The following LOC128462377 variants were observed in gnomAD, a reference collection of about 807,000 sequenced individuals.
At chr16:89,346,445 C>T in the LOC128462377 span, among the ~76,000 whole-genome samples, 2 of 152,070 alleles carry the variant, frequency 1.3e-5, no homozygotes, top group Non-Finnish European at 2.9e-5. Context: ...TAGAAAATAA[C>T]ACAATAATCA....
chr16:89,347,910 C>CACTTT, the LOC128462377 span, among the ~76,000 whole-genome samples: 4 of 151,884 alleles, frequency 2.6e-5, no homozygotes, highest in Non-Finnish European at 5.9e-5. Context: ...CTTTGCAGAG[C>CACTTT]ACTTTCCTCA....
the LOC128462377 span, among the ~76,000 whole-genome samples, chr16:89,349,945 G>C: frequency 6.6e-6 from 1 of 150,780 alleles, no homozygotes. Context: ...TAAAGGACCT[G>C]TGTCTAGAAT....
the LOC128462377 span, among the ~76,000 whole-genome samples, chr16:89,322,805 C>T: frequency 6.6e-6 from 1 of 152,266 alleles, no homozygotes; most frequent in South Asian, 2.1e-4. Flanking sequence ...CTGCAGCACA[C>T]GGCCATGCTC....
chr16:89,381,281 G>A, the LOC128462377 span, among the ~76,000 whole-genome samples: 2 of 144,044 alleles, frequency 1.4e-5, no homozygotes, highest in Admixed American at 7.2e-5. Context: ...GCAGTGAGGC[G>A]ACAATGCGCC....
the LOC128462377 span, among the ~76,000 whole-genome samples, chr16:89,381,330 G>GAAAAAAAAAAAAAA: frequency 2.0e-5 from 1 of 49,582 alleles, no homozygotes; most frequent in African/African-American, 8.6e-5. Flanking sequence ...AGACTCTGCT[G>GAAAAAAAAAAAAAA]CAAAAAAAAA....
the LOC128462377 span, among the ~76,000 whole-genome samples, chr16:89,342,302 G>A: frequency 6.6e-5 from 10 of 152,380 alleles, no homozygotes; most frequent in South Asian, 2.1e-3. Context: ...CCCAGGCTCA[G>A]ACCTCAGAAC....
the LOC128462377 span, among the ~76,000 whole-genome samples, chr16:89,329,875 G>A: frequency 6.6e-6 from 1 of 152,050 alleles, no homozygotes; most frequent in Non-Finnish European, 1.5e-5. Context: ...GCATGGTGGT[G>A]CGTGCCTGTA....
chr16:89,368,360 C>A, the LOC128462377 span, among the ~76,000 whole-genome samples: 1 of 135,446 alleles, frequency 7.4e-6, no homozygotes, highest in African/African-American at 2.7e-5. Flanking sequence ...CCGTGCCTGG[C>A]TAATTTTTGT....
the LOC128462377 span, among the ~76,000 whole-genome samples, chr16:89,379,216 C>T: frequency 2.0e-5 from 3 of 152,362 alleles, no homozygotes; most frequent in African/African-American, 7.2e-5. Context: ...AAGGGGTGCA[C>T]ACCGTCTGTA....
chr16:89,383,093 T>C, the LOC128462377 span, among the ~76,000 whole-genome samples: 1 of 152,184 alleles, frequency 6.6e-6, no homozygotes, highest in African/African-American at 2.4e-5. Context: ...CACACCACTG[T>C]AATATAGGTT....
the LOC128462377 span, among the ~76,000 whole-genome samples, chr16:89,410,471 C>T: frequency 6.6e-6 from 1 of 152,220 alleles, no homozygotes; most frequent in Admixed American, 6.5e-5. Context: ...GACTAAGACA[C>T]CCTGCAGAGC....
chr16:89,346,715 TG>T, the LOC128462377 span, among the ~76,000 whole-genome samples: 1 of 152,172 alleles, frequency 6.6e-6, no homozygotes, highest in Non-Finnish European at 1.5e-5. Context: ...TACAGCAAGG[TG>T]GGAGATCCAG....
At chr16:89,384,653 T>A in the LOC128462377 span, among the ~76,000 whole-genome samples, 3 of 152,066 alleles carry the variant, frequency 2.0e-5, no homozygotes, top group Non-Finnish European at 4.4e-5. Flanking sequence ...ACTGACGGCT[T>A]CAAAGGAGCT....
chr16:89,405,544 G>A, the LOC128462377 span, among the ~76,000 whole-genome samples: 2 of 149,932 alleles, frequency 1.3e-5, no homozygotes, highest in Non-Finnish European at 3.0e-5. Context: ...ATGTTGTCCG[G>A]GCTGGTCTCG....
chr16:89,407,111 G>A, the LOC128462377 span, among the ~76,000 whole-genome samples: 139 of 152,090 alleles, frequency 9.1e-4, 1 homozygote, highest in African/African-American at 2.6e-3. Flanking sequence ...CCAGGTACTC[G>A]GGAGGCGGAG....
the LOC128462377 span, chr16:89,324,116 C>T: frequency 3.1e-6 from 2 of 643,074 alleles, no homozygotes; most frequent in Non-Finnish European, 4.3e-6. Context: ...TCCCAAAGTG[C>T]CCCACGGCAC....
chr16:89,345,848 A>C, the LOC128462377 span, among the ~76,000 whole-genome samples: 3 of 152,154 alleles, frequency 2.0e-5, no homozygotes, highest in African/African-American at 7.2e-5. Context: ...GCATTCCAGG[A>C]GGTAAGGTGA....
chr16:89,323,121 C>A, the LOC128462377 span: 5 of 335,254 alleles, frequency 1.5e-5, no homozygotes, highest in African/African-American at 1.1e-4. Context: ...GGCTGTTGTG[C>A]GCTCCGTGGA....
the LOC128462377 span, among the ~76,000 whole-genome samples, chr16:89,351,537 T>C: frequency 1.2e-4 from 18 of 152,140 alleles, no homozygotes; most frequent in Non-Finnish European, 2.2e-4. Flanking sequence ...AAGAAAACAC[T>C]GGATACAGAC....
Sources: allele counts gnomAD v4.1 joint callset (sites outside exome capture counted in the v4.1 genomes callset), GRCh38; gene constraint gnomAD v4.1.1; transcripts MANE v1.5.